Variants in LNX1 observed in about 807,000 individuals in gnomAD.
The protein encoded by LNX1 is E3 ubiquitin-protein ligase LNX.
Under a neutral mutation model 68.4 loss-of-function variants are expected in LNX1, and 54 were observed. That is an observed-to-expected ratio of 0.79 (90% CI 0.63 to 0.99). LNX1 has a LOEUF of 0.99. Ranked by LOEUF, LNX1 falls within the 50% of genes least tolerant of loss-of-function variation. LNX1 has a pLI of 0.00. For missense variants in LNX1, 906 were observed against 926.4 expected (o/e 0.98, Z 0.29); for synonymous variants, 336 against 350.0 (o/e 0.96, Z 0.45).
chr4:53,564,007 G>A (rs371278195), intron 2 of LNX1, among the ~76,000 whole-genome samples: 65 of 152,330 alleles, frequency 4.3e-4, no homozygotes, highest in African/African-American at 1.4e-3. Context: ...TGAGGCCCAC[G>A]CCTCCCTGAT....
chr4:53,609,036 A>T (rs1335349318), intron 2 of LNX1, among the ~76,000 whole-genome samples: 6 of 152,170 alleles, frequency 3.9e-5, no homozygotes, highest in Non-Finnish European at 7.3e-5. Context: ...TAACCAAAAC[A>T]GCGTGGTACT....
Position 53,460,868 on chromosome 4 carries a change from T to C in LNX1, c.*39A>G, listed in dbSNP as rs1226984809. 1 of 1,570,846 alleles carries C rather than the reference T, an allele frequency of 6.4e-7. No individual in the cohort carries two copies. The highest frequency in any genetic ancestry group is 8.7e-7 in the Non-Finnish European group (1 of 1,153,778). Reference sequence around the variant, plus strand: ...TATAGTGTTTCAACTTCTTAGCCTATTTGTGATTTTTCTGTTTTCCTCTGA... The same window carrying C: ...TATAGTGTTTCAACTTCTTAGCCTACTTGTGATTTTTCTGTTTTCCTCTGA... On this transcript the variant is annotated 3_prime_UTR_variant, in exon 11 of 11. Coordinates refer to ENST00000263925, the MANE Select transcript of LNX1 (RefSeq NM_001126328.3).
chr4:53,628,763 G>T (rs1325194565), intron 1 of LNX1, among the ~76,000 whole-genome samples: 1 of 151,768 alleles, frequency 6.6e-6, no homozygotes, highest in African/African-American at 2.4e-5. Flanking sequence ...TAAAAACCGT[G>T]GTACAAGTAT....
upstream of LNX1, among the ~76,000 whole-genome samples, chr4:53,620,054 A>G (rs1163036309): frequency 6.6e-6 from 1 of 152,218 alleles, no homozygotes; most frequent in Non-Finnish European, 1.5e-5. Flanking sequence ...TTTGTAACGA[A>G]ACACATTGTG....
intron 2 of LNX1, among the ~76,000 whole-genome samples, chr4:53,600,257 G>A (rs1326607590): frequency 6.6e-6 from 1 of 152,094 alleles, no homozygotes; most frequent in Non-Finnish European, 1.5e-5. Context: ...CAAAGGGGTT[G>A]AAAATTCATA....
chr4:53,551,846 ATTCT>A (rs1282699477), intron 2 of LNX1, among the ~76,000 whole-genome samples: 2 of 152,294 alleles, frequency 1.3e-5, no homozygotes, highest in East Asian at 3.9e-4. Flanking sequence ...TTGGTTAAAA[ATTCT>A]TTCTTTTGAG....
In LNX1 at chr4:53,508,072, A is replaced by G. The variant is rs759680662; in HGVS notation, c.536T>C (p.Leu179Pro). Residue 179 changes from leucine to proline, a missense_variant, in exon 3 of 11, where the codon CTA becomes CCA. Transcript: ENST00000263925. ...CGAGGACACGTAGGCAGGGTTGTCT[A>G]GGCCAGGCTCGTCTGTCATTAAGGA... ...TISLMTDEPGLDNPAYVSSAE... is the reference protein window; with the variant it reads ...TISLMTDEPGPDNPAYVSSAE... 16 of 1,614,030 alleles carry G rather than the reference A, an allele frequency of 9.9e-6. No homozygotes were observed. The highest frequency in any genetic ancestry group is 1.4e-5 in the Non-Finnish European group (16 of 1,180,042).
intron 4 of LNX1, among the ~76,000 whole-genome samples, chr4:53,504,862 T>G (rs1294265781): frequency 2.0e-5 from 3 of 152,210 alleles, no homozygotes; most frequent in Non-Finnish European, 2.9e-5. Context: ...TTTACTGACC[T>G]ATAAGGGCAT....
intron 2 of LNX1, among the ~76,000 whole-genome samples, chr4:53,513,882 A>G (rs1726547153): frequency 6.6e-6 from 1 of 152,226 alleles, no homozygotes; most frequent in African/African-American, 2.4e-5. Flanking sequence ...ACAACGATCT[A>G]TACGGCCCTA....
At chr4:53,554,326 C>T (rs557853112) in intron 2 of LNX1, among the ~76,000 whole-genome samples, 1 of 152,350 alleles carries the variant, frequency 6.6e-6, no homozygotes, top group South Asian at 2.1e-4. Flanking sequence ...GTCTTTCCCA[C>T]TGGAGTCAAT....
intron 2 of LNX1, among the ~76,000 whole-genome samples, chr4:53,531,828 T>C (rs1054441309): frequency 6.6e-6 from 1 of 152,220 alleles, no homozygotes; most frequent in Admixed American, 6.5e-5. Flanking sequence ...GGACAAGTTC[T>C]TCCAGGCTCG....
At chr4:53,576,723 C>G (rs1560677213) in intron 1 of LNX1, among the ~76,000 whole-genome samples, 1 of 152,188 alleles carries the variant, frequency 6.6e-6, no homozygotes, top group Non-Finnish European at 1.5e-5. Flanking sequence ...AGACCTTATG[C>G]TTTCCACAAG....
intron 2 of LNX1, among the ~76,000 whole-genome samples, chr4:53,557,595 A>G (rs1730004427): frequency 6.6e-6 from 1 of 151,686 alleles, no homozygotes; most frequent in Non-Finnish European, 1.5e-5. Flanking sequence ...AGTTACATCT[A>G]TTGAGGAAAA....
intron 2 of LNX1, among the ~76,000 whole-genome samples, chr4:53,561,740 C>T (rs1319507615): frequency 2.6e-5 from 4 of 152,138 alleles, no homozygotes; most frequent in East Asian, 1.9e-4. Context: ...AATTACATCA[C>T]GTTTTCATTC....
chr4:53,568,691 G>T (rs1311044419), intron 2 of LNX1, among the ~76,000 whole-genome samples: 1 of 151,402 alleles, frequency 6.6e-6, no homozygotes, highest in Non-Finnish European at 1.5e-5. Flanking sequence ...GAAATAAAGG[G>T]TATTCAATTA....
chr4:53,601,010 C>T (rs1424248940), intron 2 of LNX1, among the ~76,000 whole-genome samples: 2 of 134,842 alleles, frequency 1.5e-5, no homozygotes, highest in African/African-American at 2.8e-5. Flanking sequence ...CCCGGGAGGC[C>T]GAGGTTGCAG....
At chr4:53,576,328 C>A in intron 1 of LNX1, 1 of 1,611,810 alleles carries the variant, frequency 6.2e-7, no homozygotes, top group Non-Finnish European at 8.5e-7. Context: ...CAGCGTGGCC[C>A]TGGTCCTAAA....
At chr4:53,541,930 A>T (rs1259347678) in intron 2 of LNX1, among the ~76,000 whole-genome samples, 1 of 152,252 alleles carries the variant, frequency 6.6e-6, no homozygotes, top group Non-Finnish European at 1.5e-5. Flanking sequence ...AGGTGAAGGA[A>T]TATTTGGCAA....
intron 2 of LNX1, among the ~76,000 whole-genome samples, chr4:53,554,867 A>T (rs987598137): frequency 1.1e-4 from 17 of 151,676 alleles, no homozygotes; most frequent in Admixed American, 6.6e-5. Flanking sequence ...AAAAAAAAAA[A>T]TCCTGCCTTG....
Sources: allele counts gnomAD v4.1 joint callset (sites outside exome capture counted in the v4.1 genomes callset), GRCh38; gene constraint gnomAD v4.1.1; transcripts MANE v1.5; gene names NCBI Gene and HGNC (gene_info 2026-07-23, HGNC 2026-07-21).